DOCK9: variants seen among roughly 807,000 people sequenced by gnomAD.
DOCK9 encodes the protein dedicator of cytokinesis protein 9.
In DOCK9, 89 loss-of-function variants were observed where a neutral mutation model predicts 263.3. The ratio of observed to expected loss-of-function variants is 0.34; its 90% CI spans 0.28 to 0.40. The LOEUF (loss-of-function observed/expected upper bound fraction) is 0.40. Among genes scored for constraint, DOCK9 ranks in the 10% least tolerant of loss-of-function variants. The pLI is 1.00. For synonymous variants in DOCK9, 976 were observed against 973.1 expected, an observed-to-expected ratio of 1.00 and a Z score of -0.06; for missense variants, 2,140 against 2,603.4, an observed-to-expected ratio of 0.82 and a Z score of 3.87.
upstream of DOCK9, among the ~76,000 whole-genome samples, chr13:98,979,415 G>A (rs1404370171): frequency 1.3e-5 from 2 of 152,098 alleles, no homozygotes; most frequent in African/African-American, 4.8e-5. Flanking sequence ...CTCAGAGGAG[G>A]CAGTGGGGAG....
At chr13:98,994,385 T>C (rs1246879211) in intron 1 of DOCK9, among the ~76,000 whole-genome samples, 2 of 152,208 alleles carry the variant, frequency 1.3e-5, no homozygotes, top group African/African-American at 4.8e-5. Flanking sequence ...GGGTTGTACC[T>C]GCCATATACT....
intron 1 of DOCK9, among the ~76,000 whole-genome samples, chr13:98,973,723 G>A (rs547397254): frequency 1.3e-5 from 2 of 152,030 alleles, no homozygotes; most frequent in Non-Finnish European, 2.9e-5. Context: ...TCAGCCTCTC[G>A]AGAAGCTGGG....
chr13:98,969,029 T>C (rs1178991301), intron 1 of DOCK9, among the ~76,000 whole-genome samples: 1 of 152,146 alleles, frequency 6.6e-6, no homozygotes, highest in East Asian at 1.9e-4. Flanking sequence ...CCATCAAATA[T>C]GATGTTAGGG....
chr13:98,959,478 G>A (rs979503448), intron 1 of DOCK9: 2 of 152,226 alleles, frequency 1.3e-5, no homozygotes, highest in Non-Finnish European at 1.5e-5. Flanking sequence ...AAGCACTTCC[G>A]GGACACATGA....
intron 1 of DOCK9, among the ~76,000 whole-genome samples, chr13:99,072,424 T>C (rs1172238308): frequency 6.6e-6 from 1 of 152,056 alleles, no homozygotes; most frequent in Admixed American, 6.6e-5. Context: ...CATTGTATAA[T>C]ATCAAAAGAA....
chr13:98,874,048 T>C (rs1016088665), intron 27 of DOCK9, among the ~76,000 whole-genome samples: 14 of 152,304 alleles, frequency 9.2e-5, no homozygotes, highest in Non-Finnish European at 1.9e-4. Flanking sequence ...ACCATAAAAT[T>C]CAGACTTTAA....
intron 1 of DOCK9, among the ~76,000 whole-genome samples, chr13:98,989,727 A>G (rs1442251414): frequency 6.6e-6 from 1 of 152,210 alleles, no homozygotes; most frequent in Middle Eastern, 3.2e-3. Context: ...CCTTAGCCTT[A>G]TTCCAAATGC....
intron 39 of DOCK9, among the ~76,000 whole-genome samples, chr13:98,835,225 C>T (rs1179528898): frequency 6.6e-6 from 1 of 152,126 alleles, no homozygotes; most frequent in East Asian, 1.9e-4. Context: ...TCAGTAACCA[C>T]AGAGCTACAC....
intron 1 of DOCK9, among the ~76,000 whole-genome samples, chr13:99,071,939 C>T (rs998875633): frequency 6.6e-6 from 1 of 152,194 alleles, no homozygotes; most frequent in East Asian, 1.9e-4. Context: ...TTCTGAAGCA[C>T]TAGTTTCCAT....
chr13:98,880,778 T>C (rs1468935169), intron 25 of DOCK9, 106 bp from the exon 26 acceptor site: 16 of 1,410,416 alleles, frequency 1.1e-5, no homozygotes, highest in Admixed American at 4.4e-5. Flanking sequence ...TACAATATCA[T>C]TTGTGGGAGA....
At chr13:98,973,009 A>G (rs1431205469) in intron 1 of DOCK9, among the ~76,000 whole-genome samples, 1 of 152,234 alleles carries the variant, frequency 6.6e-6, no homozygotes, top group African/African-American at 2.4e-5. Context: ...GTGAAGGTGT[A>G]TGGCTTTGAA....
chr13:99,046,354 A>G (rs1224512583), intron 1 of DOCK9, among the ~76,000 whole-genome samples: 2 of 152,198 alleles, frequency 1.3e-5, no homozygotes, highest in East Asian at 3.9e-4. Context: ...GCCATAACAC[A>G]TTGCACAACC....
chr13:99,070,887 T>C (rs2041638846), intron 1 of DOCK9, among the ~76,000 whole-genome samples: 1 of 152,234 alleles, frequency 6.6e-6, no homozygotes, highest in South Asian at 2.1e-4. Context: ...CAAAAGAGAA[T>C]GGCTTACTTT....
intron 1 of DOCK9, among the ~76,000 whole-genome samples, chr13:98,986,502 T>G (rs72651858): frequency 0.083 from 12,585 of 152,286 alleles, 652 homozygotes; most frequent in East Asian, 0.2. Context: ...TGAATTTAGT[T>G]TGCATTTAGA....
At chr13:98,813,404 A>T (rs2091506201) in intron 45 of DOCK9, among the ~76,000 whole-genome samples, 2 of 151,938 alleles carry the variant, frequency 1.3e-5, no homozygotes, top group South Asian at 4.2e-4. Flanking sequence ...TCTATTTCTC[A>T]TTTTTTTAAA....
At chr13:98,983,773 C>T (rs963672016) in intron 1 of DOCK9, among the ~76,000 whole-genome samples, 16 of 152,010 alleles carry the variant, frequency 1.1e-4, no homozygotes, top group African/African-American at 3.1e-4. Flanking sequence ...CCCACCACCA[C>T]GGGTGGGTAA....
intron 1 of DOCK9, among the ~76,000 whole-genome samples, chr13:98,984,127 G>A (rs1196474164): frequency 2.6e-5 from 4 of 152,146 alleles, no homozygotes; most frequent in Admixed American, 2.0e-4. Flanking sequence ...CTCAGAAAAG[G>A]GACCATTGGA....
chr13:99,052,375 A>C (rs11069341), intron 1 of DOCK9, among the ~76,000 whole-genome samples: 3 of 152,116 alleles, frequency 2.0e-5, no homozygotes, highest in Non-Finnish European at 4.4e-5. Context: ...CCCTGACCTC[A>C]GCTCCCCATC....
chr13:98,963,775 C>T (rs768548920), intron 1 of DOCK9, among the ~76,000 whole-genome samples: 1 of 152,212 alleles, frequency 6.6e-6, no homozygotes, highest in African/African-American at 2.4e-5. Context: ...GCCAACAGGA[C>T]ACCAGTACTG....
Sources: allele counts gnomAD v4.1 joint callset (sites outside exome capture counted in the v4.1 genomes callset), GRCh38; gene constraint gnomAD v4.1.1; transcripts MANE v1.5; gene names NCBI Gene and HGNC (gene_info 2026-07-23, HGNC 2026-07-21).